Variants in PDS5B observed in about 807,000 individuals in gnomAD.
PDS5B encodes the protein sister chromatid cohesion protein PDS5 homolog B.
A neutral mutation model predicts 184.1 loss-of-function variants in PDS5B; 51 were observed. That is an observed-to-expected ratio of 0.28 (90% confidence interval 0.22 to 0.35). The LOEUF is 0.35. Among genes scored for constraint, PDS5B ranks in the 10% least tolerant of loss-of-function variants. The probability of loss-of-function intolerance (pLI) is 1.00; values close to 1 mark genes in which losing one functional copy is unlikely to be tolerated. For synonymous variants in PDS5B, 566 were observed against 569.2 expected (o/e 0.99, Z 0.08); for missense variants, 1,180 against 1,723.3 (o/e 0.68, Z 5.58).
intron 17 of PDS5B, among the ~76,000 whole-genome samples, chr13:32,701,749 G>A (rs1338027487): frequency 2.0e-5 from 3 of 151,726 alleles, no homozygotes; most frequent in Non-Finnish European, 4.4e-5. Flanking sequence ...ATCTGTTAAC[G>A]GTATACCAGA....
intron 1 of PDS5B, among the ~76,000 whole-genome samples, chr13:32,630,888 C>T (rs2058443809): frequency 6.6e-6 from 1 of 150,940 alleles, no homozygotes; most frequent in African/African-American, 2.4e-5. Flanking sequence ...GGATTCAAGT[C>T]ATTCTCCTGC....
At chr13:32,700,558 G>T (rs558521602) in intron 16 of PDS5B, among the ~76,000 whole-genome samples, 45 of 152,086 alleles carry the variant, frequency 3.0e-4, no homozygotes, top group African/African-American at 1.1e-3. Context: ...TTTGTAAGTT[G>T]TGTTTATAAT....
chr13:32,701,408 C>T lies in PDS5B; in HGVS notation c.1826C>T (p.Ala609Val). 6.2e-7 allele frequency: 1 copy of T among 1,608,928 alleles called. No individual in the cohort carries two copies. Among genetic ancestry groups the T allele is most frequent in the Non-Finnish European group, 8.5e-7 (1 of 1,175,686 alleles). The change falls in exon 17 of 35, where the codon GCA (alanine) becomes GTA (valine). Residue 609 changes from alanine (A) to valine (V), a missense_variant. Ala to Val is a moderately conservative substitution (Grantham distance 64). Coordinates refer to ENST00000315596, the MANE Select transcript of PDS5B (RefSeq NM_015032.4). ...EMIKFLLERIAPVHIDTESIS... is the reference protein window; with the variant it reads ...EMIKFLLERIVPVHIDTESIS... ...ATCAAGTTTCTCTTGGAGAGGATAGCACCTGTGCACATAGATACCGAATCT... is the reference window on the plus strand; with the variant it reads ...ATCAAGTTTCTCTTGGAGAGGATAGTACCTGTGCACATAGATACCGAATCT...
rs754725804 is a variant in PDS5B at position 32,706,900 on chromosome 13, A to G, written c.1857-34A>G. 11 of 1,357,784 alleles carry G rather than the reference A, an allele frequency of 8.1e-6. No individual in the cohort carries two copies. In the African/African-American group the frequency reaches 1.0e-4, roughly 12 times the overall value. 84.1% of individuals were successfully genotyped at this position (1,357,784 alleles called of 1,614,324 possible). On this transcript the variant is annotated intron_variant, in intron 17 of 34. Coordinates refer to ENST00000315596, the MANE Select transcript of PDS5B (RefSeq NM_015032.4). ...ATTTTTCTTAGACATTGCTAGTAAC[A>G]TTTGAAAAAATGACTTTTTTGGTCA... is the stretch of plus-strand genomic sequence containing the variant.
rs1950666916 is a variant in PDS5B, at chr13:32,662,133, G to A, written c.624+2853G>A. Among the ~76,000 whole-genome samples, 3 of 151,964 alleles carry A rather than the reference G, an allele frequency of 2.0e-5. No individual in the cohort carries two copies. The South Asian group carries it at 6.2e-4, about 32-fold the overall frequency. On this transcript the variant is annotated intron_variant, in intron 6 of 34. Transcript: ENST00000315596. Reference sequence around the variant, plus strand: ...CACAAAAGGTCGAATATAAAAGGATGGGAAAAGTACTTGCCAGGCAAATAT... The same window carrying A: ...CACAAAAGGTCGAATATAAAAGGATAGGAAAAGTACTTGCCAGGCAAATAT...
intron 19 of PDS5B, among the ~76,000 whole-genome samples, chr13:32,728,652 A>C (rs528226465): frequency 6.6e-6 from 1 of 152,290 alleles, no homozygotes; most frequent in Non-Finnish European, 1.5e-5. Flanking sequence ...TTTGTACTAC[A>C]GCCTAGAAAC....
At chr13:32,706,323 TAAAA>T (rs1283872964) in intron 17 of PDS5B, among the ~76,000 whole-genome samples, 15 of 147,488 alleles carry the variant, frequency 1.0e-4, no homozygotes, top group Non-Finnish European at 1.8e-4. Context: ...AATAAATAAA[TAAAA>T]TAACATAAGC....
chr13:32,769,094 G>T (rs1167033896), intron 31 of PDS5B, among the ~76,000 whole-genome samples: 1 of 151,992 alleles, frequency 6.6e-6, no homozygotes, highest in East Asian at 1.9e-4. Flanking sequence ...CTGCACTCCA[G>T]CCTGGGTGAC....
At chr13:32,608,532 C>T (rs2058095897) in intron 1 of PDS5B, among the ~76,000 whole-genome samples, 1 of 152,112 alleles carries the variant, frequency 6.6e-6, no homozygotes, top group African/African-American at 2.4e-5. Flanking sequence ...TGGTGCTAGA[C>T]TTGAAGTTGT....
At chr13:32,705,598 T>C (rs1951986347) in intron 17 of PDS5B, among the ~76,000 whole-genome samples, 3 of 152,244 alleles carry the variant, frequency 2.0e-5, no homozygotes, top group Admixed American at 2.0e-4. Flanking sequence ...TTTCTGTCTC[T>C]GGTGGTGTTT....
intron 10 of PDS5B, among the ~76,000 whole-genome samples, chr13:32,682,532 A>G (rs1416831968): frequency 6.6e-6 from 1 of 151,904 alleles, no homozygotes. Context: ...ACTTCTTTTG[A>G]TGGTTATCTG....
chr13:32,768,717 C>A lies in PDS5B; in HGVS notation c.3625-1404C>A, dbSNP rs531351086. On this transcript the variant is annotated intron_variant, in intron 31 of 34. Coordinates refer to ENST00000315596, the MANE Select transcript of PDS5B (RefSeq NM_015032.4). ...CTGAGGCAAGAGAATCGCTTGAACCCGGGAGGCAGAGGTTGCAGTGAGCCA... is the reference window on the plus strand; with the variant it reads ...CTGAGGCAAGAGAATCGCTTGAACCAGGGAGGCAGAGGTTGCAGTGAGCCA... Among the ~76,000 whole-genome samples, 79 of 148,724 alleles carry A rather than the reference C, an allele frequency of 5.3e-4. 1 individual carries two copies. Among genetic ancestry groups the A allele is most frequent in the Non-Finnish European group, 4.5e-5 (3 of 67,370 alleles).
chr13:32,714,358 G>A (rs933963486), intron 19 of PDS5B, among the ~76,000 whole-genome samples: 24 of 150,582 alleles, frequency 1.6e-4, no homozygotes, highest in East Asian at 7.8e-4. Context: ...GGACTGAGGC[G>A]AAATTAAAAT....
At chr13:32,592,476 C>T (rs1416808253) in intron 1 of PDS5B, among the ~76,000 whole-genome samples, 2 of 139,216 alleles carry the variant, frequency 1.4e-5, no homozygotes, top group African/African-American at 2.5e-5. Flanking sequence ...AGGCTGGTCT[C>T]GAACTCCTGG....
chr13:32,764,682 A>G, intron 31 of PDS5B, 88 bp downstream of exon 31: 1 of 630,134 alleles, frequency 1.6e-6, no homozygotes. Flanking sequence ...ATGACTATCA[A>G]ATTTACATTT....
intron 19 of PDS5B, among the ~76,000 whole-genome samples, chr13:32,718,847 A>G (rs1952570241): frequency 6.6e-6 from 1 of 152,234 alleles, no homozygotes; most frequent in Admixed American, 6.5e-5. Flanking sequence ...ACCTAGAAGT[A>G]AAGTATACAA....
At chr13:32,646,308 G>C (rs1265954324) in intron 1 of PDS5B, among the ~76,000 whole-genome samples, 1 of 149,316 alleles carries the variant, frequency 6.7e-6, no homozygotes, top group Middle Eastern at 3.2e-3. Flanking sequence ...TGCCCATCCA[G>C]ATGTTTGTAA....
chr13:32,716,218 G>A (rs895986438), intron 19 of PDS5B, among the ~76,000 whole-genome samples: 5 of 150,604 alleles, frequency 3.3e-5, no homozygotes, highest in Non-Finnish European at 7.4e-5. Context: ...GAAGTGAGGA[G>A]CGCCTCTTCC....
At chr13:32,594,205 G>A (rs1471457355) in intron 1 of PDS5B, among the ~76,000 whole-genome samples, 1 of 152,172 alleles carries the variant, frequency 6.6e-6, no homozygotes, top group Non-Finnish European at 1.5e-5. Context: ...GATAAGCCAG[G>A]TCAAATGCTT....
Sources: gnomAD v4.1 joint callset for allele counts (sites outside exome capture counted in the v4.1 genomes callset) on GRCh38, gnomAD v4.1.1 for gene constraint, MANE v1.5 for transcripts, NCBI Gene and HGNC (gene_info 2026-07-23, HGNC 2026-07-21) for gene names.